The following NRK variants were observed in gnomAD, a reference collection of about 807,000 sequenced individuals.
NRK encodes the protein Nik related kinase.
A neutral mutation model predicts 125.2 loss-of-function variants in NRK; 67 were observed. The ratio of observed to expected loss-of-function variants is 0.54; its 90% CI spans 0.44 to 0.66. The LOEUF is 0.66. Among genes scored for constraint, NRK ranks in the 30% least tolerant of loss-of-function variants. NRK has a pLI of 0.00. For synonymous variants in NRK, 458 were observed against 429.0 expected (o/e 1.07, Z -0.84); for missense variants, 1,224 against 1,192.9 (o/e 1.03, Z -0.38).
intron 9 of NRK, among the ~76,000 whole-genome samples, 152 bp from the exon 10 acceptor site, chrX:105,905,113 T>C (rs977628979): frequency 8.9e-6 from 1 of 112,519 alleles, no homozygotes; most frequent in African/African-American, 3.2e-5. Flanking sequence ...CTTTTCTTTT[T>C]CTTTTGAAAT....
At chrX:105,844,033 G>C (rs1602601065) in intron 2 of NRK, among the ~76,000 whole-genome samples, 1 of 107,751 alleles carries the variant, frequency 9.3e-6, no homozygotes, top group Non-Finnish European at 1.9e-5. Flanking sequence ...GTGTGTGTGT[G>C]TGTGTGTGTC....
At chrX:105,917,747 AAAGAAGAATTTC>A (rs2040385319) in intron 16 of NRK, 75 bp downstream of exon 16, 1 of 512,746 alleles carries the variant, frequency 2.0e-6, no homozygotes, top group South Asian at 4.6e-5. Context: ...AGAAGTCAAG[AAAGAAGAATTTC>A]AAGAAGGAAT....
At chrX:105,906,764 C>CGTGTGTGTGTGTGTGT (rs61655627) in intron 11 of NRK, among the ~76,000 whole-genome samples, 175 bp downstream of exon 11, 3 of 87,538 alleles carry the variant, frequency 3.4e-5, no homozygotes, top group Non-Finnish European at 4.5e-5. Flanking sequence ...TTTTCTCTTG[C>CGTGTGTGTGTGTGTGT]GTGTGTGTGT....
At chrX:105,916,189 T>C (rs922123157) in intron 15 of NRK, among the ~76,000 whole-genome samples, 38 of 111,307 alleles carry the variant, frequency 3.4e-4, no homozygotes, top group Middle Eastern at 4.6e-3. Flanking sequence ...CAGAAGCTAA[T>C]GCCACAGAAT....
Position 105,937,522 on chromosome X carries a change from C to T in NRK, c.3739C>T (p.Arg1247Ter). The stretch of plus-strand genomic sequence containing the variant: ...GGCTGACATTACTAAACTTATAAGG[C>T]GAAGACCATTCCGCCAGATTCAAGT... Reference protein sequence around the residue: ...GKADITKLIRRRPFRQIQVLE... With the variant: ...GKADITKLIR Residue 1247 changes from arginine (R) to a stop codon, truncating the protein, a stop_gained, in exon 22 of 29, where the codon CGA (arginine) becomes TGA (stop). Coordinates refer to ENST00000243300, the MANE Select transcript of NRK (RefSeq NM_198465.4). LOFTEE classifies it high-confidence loss of function. 5 of 1,200,195 alleles carry T rather than the reference C, an allele frequency of 4.2e-6. No homozygotes were observed. Among genetic ancestry groups the T allele is most frequent in the Non-Finnish European group, 4.5e-6 (4 of 887,272 alleles).
chrX:105,882,726 A>C (rs772688638), intron 4 of NRK, among the ~76,000 whole-genome samples: 1 of 111,100 alleles, frequency 9.0e-6, no homozygotes, highest in African/African-American at 3.3e-5. Flanking sequence ...CTCATGACTC[A>C]TCTATTAAGT....
Position 105,909,620 on chromosome X carries a change from G to A in NRK, c.1979G>A (p.Gly660Asp). The part of the protein sequence containing the change: ...APNSNNSKPL[G>D]PLQTLMENLS... ...AACTCAAATAACTCAAAGCCACTTG[G>A]TCCGTTGCAAACCCTGATGGAAAAT... Residue 660 changes from glycine to aspartate, a missense_variant, in exon 13 of 29, where the codon GGT (glycine) becomes GAT (aspartate). Coordinates refer to ENST00000243300, the MANE Select transcript of NRK (RefSeq NM_198465.4). 1 of 1,203,641 alleles carries A rather than the reference G, an allele frequency of 8.3e-7. No individual in the cohort carries two copies. Among genetic ancestry groups the A allele is most frequent in the Non-Finnish European group, 1.1e-6 (1 of 891,107 alleles).
intron 2 of NRK, among the ~76,000 whole-genome samples, chrX:105,879,347 G>A (rs2039857338): frequency 9.0e-6 from 1 of 110,546 alleles, no homozygotes; most frequent in Non-Finnish European, 1.9e-5. Context: ...AGAAATATCA[G>A]ATAAGGCATT....
intron 6 of NRK, among the ~76,000 whole-genome samples, chrX:105,894,723 A>G (rs1424382790): frequency 8.9e-6 from 1 of 112,143 alleles, no homozygotes; most frequent in Non-Finnish European, 1.9e-5. Flanking sequence ...CACCTTCCTC[A>G]AAGGGTTTCT....
intron 9 of NRK, among the ~76,000 whole-genome samples, chrX:105,901,959 A>G (rs2040163883): frequency 9.1e-6 from 1 of 110,495 alleles, no homozygotes; most frequent in South Asian, 3.9e-4. Context: ...AATATTTCAT[A>G]TTAGTATTGA....
chrX:105,832,887 G>T lies in NRK; in HGVS notation c.123+1768G>T, dbSNP rs764690030. Among the ~76,000 whole-genome samples, 3 of 110,458 alleles carry T rather than the reference G, an allele frequency of 2.7e-5. No homozygotes were observed. The East Asian group carries it at 8.6e-4, about 32-fold the overall frequency. ...AAATTAAAAAGAAAAAGTTAGCCAGGTGCAGTGGGTGTGCACCTGTAGTCT... is the reference window on the plus strand; with the variant it reads ...AAATTAAAAAGAAAAAGTTAGCCAGTTGCAGTGGGTGTGCACCTGTAGTCT... On this transcript the variant is annotated intron_variant, in intron 2 of 28. Transcript: ENST00000243300.
intron 17 of NRK, among the ~76,000 whole-genome samples, chrX:105,922,461 T>G (rs1210746738): frequency 8.9e-6 from 1 of 111,934 alleles, no homozygotes; most frequent in Non-Finnish European, 1.9e-5. Flanking sequence ...GTCCTCTGAC[T>G]GCATAAATAA....
rs184150861 is a variant in NRK, at chrX:105,945,298, A to G, written c.4060-574A>G. ...GGGACCCATCCTGACAGACGCAGCA[A>G]GGTATTCATGAAATACTTTTGTATC... On this transcript the variant is annotated intron_variant, in intron 24 of 28. Coordinates refer to ENST00000243300, the MANE Select transcript of NRK (RefSeq NM_198465.4). 2.4e-4 allele frequency among the ~76,000 whole-genome samples: 27 copies of G among 112,167 alleles called. No individual in the cohort carries two copies. In the East Asian group the frequency reaches 6.8e-3, roughly 28 times the overall value.
intron 9 of NRK, among the ~76,000 whole-genome samples, chrX:105,901,709 G>C (rs2040159991): frequency 9.0e-6 from 1 of 111,588 alleles, no homozygotes; most frequent in Admixed American, 9.6e-5. Context: ...ATAAAGCTAG[G>C]ACACCTGTGG....
At chrX:105,895,363 C>CAGAA (rs111844831) in intron 6 of NRK, 70 bp from the exon 7 acceptor site, 72,175 of 765,495 alleles carry the variant, frequency 0.094, 2,922 homozygotes, top group Non-Finnish European at 0.099. Context: ...AGAACTGTAC[C>CAGAA]AGAAAGAAAG....
chrX:105,954,723 A>G (rs2040951179), intron 28 of NRK, among the ~76,000 whole-genome samples: 1 of 110,979 alleles, frequency 9.0e-6, no homozygotes, highest in Non-Finnish European at 1.9e-5. Flanking sequence ...CCTAACAAGG[A>G]GACATTTGTT....
intron 24 of NRK, among the ~76,000 whole-genome samples, chrX:105,944,555 C>G: frequency 9.0e-6 from 1 of 111,703 alleles, no homozygotes; most frequent in Non-Finnish European, 1.9e-5. Context: ...ATATGAAGAC[C>G]TTCTCTTTCA....
chrX:105,934,500 T>G, intron 20 of NRK, 56 bp downstream of exon 20: 2 of 724,751 alleles, frequency 2.8e-6, no homozygotes, highest in Non-Finnish European at 4.1e-6. Context: ...TATTAAATAG[T>G]GTTTAACCAC....
At chrX:105,846,135 T>C (rs1329832431) in intron 2 of NRK, among the ~76,000 whole-genome samples, 1 of 111,731 alleles carries the variant, frequency 9.0e-6, no homozygotes, top group Non-Finnish European at 1.9e-5. Flanking sequence ...TTGCAATCAA[T>C]GTCAATCAAT....
Sources: gnomAD v4.1 joint callset for allele counts (sites outside exome capture counted in the v4.1 genomes callset) on GRCh38, gnomAD v4.1.1 for gene constraint, MANE v1.5 for transcripts, NCBI Gene and HGNC (gene_info 2026-07-23, HGNC 2026-07-21) for gene names.